Variants in CADM2 observed in about 807,000 individuals in gnomAD.
The protein encoded by CADM2 is immunoglobulin superfamily member 4D.
A neutral mutation model predicts 49.8 loss-of-function variants in CADM2; 12 were observed. That is an observed-to-expected ratio of 0.24 (90% CI 0.15 to 0.39). The LOEUF (loss-of-function observed/expected upper bound fraction) is 0.39, where lower values mean the gene tolerates loss of function less well. Among genes scored for constraint, CADM2 ranks in the 10% least tolerant of loss-of-function variants. The probability of loss-of-function intolerance (pLI) is 1.00; values close to 1 mark genes in which losing one functional copy is unlikely to be tolerated. For missense variants in CADM2, 378 were observed against 492.3 expected, an observed-to-expected ratio of 0.77 and a Z score of 2.20; for synonymous variants, 214 against 175.4, an observed-to-expected ratio of 1.22 and a Z score of -1.74.
At chr3:85,506,451 C>G (rs2040355812) in intron 1 of CADM2, among the ~76,000 whole-genome samples, 1 of 152,054 alleles carries the variant, frequency 6.6e-6, no homozygotes, top group African/African-American at 2.4e-5. Flanking sequence ...TGATAGTTTT[C>G]AATAACATGT....
intron 1 of CADM2, among the ~76,000 whole-genome samples, chr3:85,139,596 T>C (rs1266121352): frequency 6.6e-6 from 1 of 152,154 alleles, no homozygotes; most frequent in African/African-American, 2.4e-5. Flanking sequence ...TATATACTTA[T>C]TCTATGTAGA....
chr3:85,943,170 T>G (rs1214877148), intron 7 of CADM2, among the ~76,000 whole-genome samples: 2 of 150,028 alleles, frequency 1.3e-5, no homozygotes, highest in Non-Finnish European at 3.0e-5. Context: ...TCACCCACTT[T>G]TTGATGGGGT....
At chr3:86,002,224 C>A (rs1298244696) in intron 8 of CADM2, among the ~76,000 whole-genome samples, 1 of 152,096 alleles carries the variant, frequency 6.6e-6, no homozygotes, top group African/African-American at 2.4e-5. Flanking sequence ...GCCTGGTGAG[C>A]TGTCTATACC....
intron 1 of CADM2, among the ~76,000 whole-genome samples, chr3:85,311,705 A>C (rs2044349470): frequency 6.6e-6 from 1 of 152,132 alleles, no homozygotes; most frequent in Non-Finnish European, 1.5e-5. Context: ...GTTGGGACTT[A>C]TCATCATATT....
At chr3:85,382,361 G>A (rs1234825244) in intron 1 of CADM2, among the ~76,000 whole-genome samples, 1 of 152,036 alleles carries the variant, frequency 6.6e-6, no homozygotes, top group East Asian at 1.9e-4. Flanking sequence ...AATAAGCAGT[G>A]GGCACGCTCC....
intron 2 of CADM2, among the ~76,000 whole-genome samples, chr3:85,729,732 G>A (rs1239621409): frequency 2.0e-5 from 3 of 151,862 alleles, no homozygotes; most frequent in Non-Finnish European, 1.5e-5. Flanking sequence ...TTACTCTCTG[G>A]GTCTATGACA....
At chr3:85,662,263 T>C (rs2065432957) in intron 1 of CADM2, among the ~76,000 whole-genome samples, 1 of 150,262 alleles carries the variant, frequency 6.7e-6, no homozygotes, top group Admixed American at 6.7e-5. Flanking sequence ...CTTAGACATA[T>C]CAAGAATGGG....
intron 1 of CADM2, among the ~76,000 whole-genome samples, chr3:85,476,792 A>C (rs1382801529): frequency 6.6e-6 from 1 of 151,936 alleles, no homozygotes. Context: ...AAAATACACC[A>C]TGCTAGTTTT....
intron 2 of CADM2, among the ~76,000 whole-genome samples, chr3:85,748,934 T>G (rs933577328): frequency 1.3e-5 from 2 of 152,036 alleles, no homozygotes; most frequent in East Asian, 1.9e-4. Flanking sequence ...GAGATAATAA[T>G]AACTTTTGAT....
At chr3:85,332,354 T>A (rs1191554810) in intron 1 of CADM2, among the ~76,000 whole-genome samples, 1 of 151,910 alleles carries the variant, frequency 6.6e-6, no homozygotes, top group Non-Finnish European at 1.5e-5. Flanking sequence ...TATCCCAATT[T>A]AAAAATATAA....
chr3:85,981,386 C>A (rs143631995), intron 8 of CADM2, among the ~76,000 whole-genome samples: 1 of 151,406 alleles, frequency 6.6e-6, no homozygotes, highest in East Asian at 2.0e-4. Flanking sequence ...TTCAGGAGTA[C>A]ATGTAGAAAT....
At chr3:85,780,131 T>A (rs961162929) in intron 2 of CADM2, among the ~76,000 whole-genome samples, 2 of 152,210 alleles carry the variant, frequency 1.3e-5, no homozygotes, top group African/African-American at 4.8e-5. Context: ...CTTGTTTAAC[T>A]CTCATAATAG....
intron 1 of CADM2, among the ~76,000 whole-genome samples, chr3:85,351,326 A>G (rs1460630943): frequency 1.3e-5 from 2 of 152,238 alleles, no homozygotes; most frequent in Non-Finnish European, 2.9e-5. Flanking sequence ...GAATTAAATT[A>G]TACTCTGTCC....
chr3:85,279,565 T>C (rs1387572900), intron 1 of CADM2, among the ~76,000 whole-genome samples: 1 of 151,534 alleles, frequency 6.6e-6, no homozygotes, highest in Non-Finnish European at 1.5e-5. Flanking sequence ...TGCATGTTTT[T>C]AAGTTTTTAG....
At chr3:84,988,728 T>C (rs1316117744) in intron 1 of CADM2, among the ~76,000 whole-genome samples, 4 of 152,218 alleles carry the variant, frequency 2.6e-5, no homozygotes, top group Non-Finnish European at 4.4e-5. Flanking sequence ...TTATTCAGCA[T>C]GTTAGTATGC....
chr3:85,456,377 T>C (rs2037990749), intron 1 of CADM2, among the ~76,000 whole-genome samples: 1 of 152,216 alleles, frequency 6.6e-6, no homozygotes, highest in Non-Finnish European at 1.5e-5. Context: ...GCCAGTATTA[T>C]GTAACACTTG....
At chr3:85,648,833 A>T (rs1488062127) in intron 1 of CADM2, among the ~76,000 whole-genome samples, 1 of 152,068 alleles carries the variant, frequency 6.6e-6, no homozygotes, top group Non-Finnish European at 1.5e-5. Context: ...ATTCATGGAA[A>T]TGAATCATCT....
intron 1 of CADM2, among the ~76,000 whole-genome samples, chr3:85,133,494 C>T (rs1272516107): frequency 3.3e-5 from 5 of 152,018 alleles, no homozygotes; most frequent in Admixed American, 6.6e-5. Flanking sequence ...CATTCACAAA[C>T]CCTGAGCTAG....
intron 6 of CADM2, among the ~76,000 whole-genome samples, chr3:85,919,781 C>G (rs1718859044): frequency 6.6e-6 from 1 of 151,694 alleles, no homozygotes; most frequent in Non-Finnish European, 1.5e-5. Flanking sequence ...TTTTTTGTTA[C>G]TTTTCTGGAC....
Sources: allele counts gnomAD v4.1 joint callset (sites outside exome capture counted in the v4.1 genomes callset), GRCh38; gene constraint gnomAD v4.1.1; transcripts MANE v1.5; gene names NCBI Gene and HGNC (gene_info 2026-07-23, HGNC 2026-07-21).